The following MAGI2 variants were observed in gnomAD, a reference collection of about 807,000 sequenced individuals.
MAGI2 encodes membrane-associated guanylate kinase, WW and PDZ domain-containing protein 2.
A neutral mutation model predicts 133.3 loss-of-function variants in MAGI2; 35 were observed. The ratio of observed to expected loss-of-function variants is 0.26; its 90% CI spans 0.20 to 0.35. The LOEUF is 0.35. MAGI2 is among the 10% of genes least tolerant of loss of function. MAGI2 has a pLI of 1.00. For synonymous variants in MAGI2, 729 were observed against 710.6 expected, an observed-to-expected ratio of 1.03 and a Z score of -0.41; for missense variants, 1,636 against 1,863.4, an observed-to-expected ratio of 0.88 and a Z score of 2.25.
intron 21 of MAGI2, among the ~76,000 whole-genome samples, chr7:78,075,276 G>A (rs957046953): frequency 6.6e-6 from 1 of 152,056 alleles, no homozygotes; most frequent in Non-Finnish European, 1.5e-5. Flanking sequence ...GTGTGAGAGA[G>A]ACAGCATATG....
intron 6 of MAGI2, chr7:78,485,325 TA>T (rs1376005816): frequency 6.6e-6 from 1 of 152,028 alleles, no homozygotes; most frequent in Non-Finnish European, 1.5e-5. Context: ...AGACTGCTGC[TA>T]AAACTCCAAA....
chr7:78,551,588 A>G (rs78474347), intron 3 of MAGI2, among the ~76,000 whole-genome samples: 2,188 of 152,340 alleles, frequency 0.014, 34 homozygotes, highest in East Asian at 0.06. Context: ...GTCAACCCTG[A>G]GAGAAGACAG....
chr7:79,035,366 A>G (rs1260352765), intron 1 of MAGI2, among the ~76,000 whole-genome samples: 1 of 152,164 alleles, frequency 6.6e-6, no homozygotes, highest in Non-Finnish European at 1.5e-5. Context: ...AAGACTCAAA[A>G]GTGATTCATA....
chr7:78,769,811 C>G (rs1825399106), intron 2 of MAGI2, among the ~76,000 whole-genome samples: 1 of 152,170 alleles, frequency 6.6e-6, no homozygotes, highest in African/African-American at 2.4e-5. Context: ...TCCCTCAGCT[C>G]CGAGCATCTT....
chr7:78,206,294 CTTT>C (rs869221931), intron 10 of MAGI2, among the ~76,000 whole-genome samples: 2 of 44,744 alleles, frequency 4.5e-5, no homozygotes, highest in Non-Finnish European at 4.6e-5. Flanking sequence ...CTTTTCCTTT[CTTT>C]TTTTTTTTTT....
At chr7:78,938,265 T>C (rs1245302066) in intron 2 of MAGI2, among the ~76,000 whole-genome samples, 1 of 152,012 alleles carries the variant, frequency 6.6e-6, no homozygotes, top group Non-Finnish European at 1.5e-5. Context: ...CAAAGAGATA[T>C]TGAAAGAGAA....
chr7:78,920,379 TA>T (rs1799134343), intron 2 of MAGI2, among the ~76,000 whole-genome samples: 1 of 152,172 alleles, frequency 6.6e-6, no homozygotes, highest in Non-Finnish European at 1.5e-5. Context: ...GAGTACTCAA[TA>T]AATCTTTGTA....
In MAGI2 at chr7:78,043,478, G is replaced by C. The variant is rs551114653; in HGVS notation, c.3707-23502C>G. The stretch of plus-strand genomic sequence containing the variant: ...TAGATTAATTTTTAGAAGTGCAGCT[G>C]CTCCCTTGACCTCTGGGGCTGGAAA... On this transcript the variant is annotated intron_variant, in intron 21 of 21. Transcript: ENST00000354212. 6.6e-5 allele frequency among the ~76,000 whole-genome samples: 10 copies of C among 152,300 alleles called. No individual in the cohort carries two copies. In the East Asian group the frequency reaches 1.9e-3, roughly 29 times the overall value.
At chr7:79,314,443 T>C (rs1838547073) in intron 1 of MAGI2, among the ~76,000 whole-genome samples, 1 of 152,198 alleles carries the variant, frequency 6.6e-6, no homozygotes, top group African/African-American at 2.4e-5. Flanking sequence ...TCCTATGACC[T>C]GGAAATTTCT....
At chr7:79,230,247 A>C (rs1831245892) in intron 1 of MAGI2, among the ~76,000 whole-genome samples, 1 of 150,262 alleles carries the variant, frequency 6.7e-6, no homozygotes, top group Non-Finnish European at 1.5e-5. Context: ...TGCTGCAATA[A>C]ACATACGTGT....
chr7:78,419,427 G>A (rs939809517), intron 6 of MAGI2, among the ~76,000 whole-genome samples: 4 of 151,324 alleles, frequency 2.6e-5, no homozygotes, highest in African/African-American at 4.9e-5. Context: ...GGAGACACAG[G>A]ACTAATAAGG....
At chr7:79,059,867 T>C (rs545206796) in intron 1 of MAGI2, among the ~76,000 whole-genome samples, 48 of 152,244 alleles carry the variant, frequency 3.2e-4, no homozygotes, top group African/African-American at 1.2e-3. Context: ...TGCACTCTGA[T>C]TGTAAATTAA....
At position 78,773,466 on chromosome 7, in the gene MAGI2, A is replaced by G. The variant is rs560132913; in HGVS notation, c.419-146227T>C. Among the ~76,000 whole-genome samples, 23 of 152,362 alleles carry G rather than the reference A, an allele frequency of 1.5e-4. No individual in the cohort carries two copies. The East Asian group carries it at 4.0e-3, about 27-fold the overall frequency. ...AGAATAAATGTTTACTAATGCACTC[A>G]TTTATTCAACTAATGTTCACTGAGC... On this transcript the variant is annotated intron_variant, in intron 2 of 21. Coordinates refer to ENST00000354212, the MANE Select transcript of MAGI2 (RefSeq NM_012301.4).
intron 1 of MAGI2, among the ~76,000 whole-genome samples, chr7:79,299,658 A>T (rs1324691915): frequency 6.6e-6 from 1 of 152,082 alleles, no homozygotes; most frequent in African/African-American, 2.4e-5. Flanking sequence ...AATAGGTTCA[A>T]AAAGATTCAC....
intron 1 of MAGI2, among the ~76,000 whole-genome samples, chr7:79,085,863 T>C (rs934114001): frequency 2.0e-5 from 3 of 151,966 alleles, no homozygotes; most frequent in Non-Finnish European, 4.4e-5. Flanking sequence ...TTGTATAAAC[T>C]GTGCACACAT....
intron 4 of MAGI2, among the ~76,000 whole-genome samples, chr7:78,508,000 A>G (rs1795238549): frequency 1.3e-5 from 2 of 152,212 alleles, no homozygotes; most frequent in Admixed American, 1.3e-4. Flanking sequence ...CTCTGGAGGC[A>G]CTATGGAAGG....
At chr7:78,280,860 A>G (rs1207834612) in intron 9 of MAGI2, among the ~76,000 whole-genome samples, 2 of 151,008 alleles carry the variant, frequency 1.3e-5, no homozygotes, top group African/African-American at 4.9e-5. Context: ...ATACAAAAAA[A>G]AAAAAAAAAA....
chr7:79,202,706 C>G (rs1430534622), intron 1 of MAGI2, among the ~76,000 whole-genome samples: 1 of 151,966 alleles, frequency 6.6e-6, no homozygotes, highest in Non-Finnish European at 1.5e-5. Context: ...GTAATAATCA[C>G]TTTCTTCCAC....
At chr7:79,280,758 T>C (rs978799476) in intron 1 of MAGI2, among the ~76,000 whole-genome samples, 1 of 151,430 alleles carries the variant, frequency 6.6e-6, no homozygotes, top group Non-Finnish European at 1.5e-5. Context: ...ATCACACCTC[T>C]ACACAAATTT....
Sources: allele counts gnomAD v4.1 joint callset (sites outside exome capture counted in the v4.1 genomes callset), GRCh38; gene constraint gnomAD v4.1.1; transcripts MANE v1.5; gene names NCBI Gene and HGNC (gene_info 2026-07-23, HGNC 2026-07-21).